The following ANO3 variants were observed in gnomAD, a reference collection of about 807,000 sequenced individuals.
The protein encoded by ANO3 is anoctamin-3.
ANO3 carries 99 observed loss-of-function variants against 144.8 expected under a neutral mutation model. The observed-to-expected ratio is 0.68, with a 90% confidence interval of 0.58 to 0.81. ANO3 has a LOEUF of 0.81. Ranked by LOEUF, ANO3 falls within the 30% of genes least tolerant of loss-of-function variation. ANO3 has a pLI of 0.00. For missense variants in ANO3, 905 were observed against 1,202.2 expected, an observed-to-expected ratio of 0.75 and a Z score of 3.66; for synonymous variants, 414 against 392.6, an observed-to-expected ratio of 1.05 and a Z score of -0.64.
At chr11:26,495,914 T>A (rs932017348) in intron 4 of ANO3, among the ~76,000 whole-genome samples, 7 of 152,218 alleles carry the variant, frequency 4.6e-5, no homozygotes, top group African/African-American at 1.7e-4. Context: ...ATGTGAATTT[T>A]CCTAATTTCC....
intron 24 of ANO3, among the ~76,000 whole-genome samples, chr11:26,649,020 G>T (rs1255616615): frequency 6.6e-6 from 1 of 152,170 alleles, no homozygotes; most frequent in Non-Finnish European, 1.5e-5. Context: ...TGCATATCGT[G>T]GGGTCTTGTC....
chr11:26,192,383 T>A (rs960545535), intron 1 of ANO3, among the ~76,000 whole-genome samples: 1 of 152,172 alleles, frequency 6.6e-6, no homozygotes, highest in Non-Finnish European at 1.5e-5. Context: ...GTCTACCTTT[T>A]TAATCTCAGT....
chr11:26,391,294 G>A (rs1590321022), intron 1 of ANO3, among the ~76,000 whole-genome samples: 1 of 152,102 alleles, frequency 6.6e-6, no homozygotes, highest in Non-Finnish European at 1.5e-5. Flanking sequence ...CTCTCATGAT[G>A]ATTAACCTGT....
chr11:26,618,804 C>T (rs888679142), intron 17 of ANO3, among the ~76,000 whole-genome samples: 1 of 152,148 alleles, frequency 6.6e-6, no homozygotes, highest in African/African-American at 2.4e-5. Context: ...GTCTGGAATG[C>T]CATTCTTAAT....
intron 1 of ANO3, among the ~76,000 whole-genome samples, chr11:26,278,675 A>C (rs181628210): frequency 3.7e-4 from 57 of 152,248 alleles, no homozygotes; most frequent in African/African-American, 1.3e-3. Context: ...ACAGTGGATA[A>C]AACTTCAAAT....
rs138795510 is a variant in ANO3, at chr11:26,314,069, A to G, written c.-3+4350A>G. 8.7e-3 allele frequency among the ~76,000 whole-genome samples: 1,326 copies of G among 152,104 alleles called. 12 individuals are homozygous for G. The highest frequency in any genetic ancestry group is 0.011 in the Non-Finnish European group (779 of 67,994). On this transcript the variant is annotated intron_variant, in intron 1 of 26. Transcript: ENST00000525139. ...ACAGTGTTGTGGGCCCACAATGGAG[A>G]GAGAGTTTAATTTCAATGTGGCAAA...
intron 17 of ANO3, among the ~76,000 whole-genome samples, chr11:26,621,862 G>A (rs1030149904): frequency 2.0e-5 from 3 of 152,002 alleles, no homozygotes; most frequent in Non-Finnish European, 2.9e-5. Context: ...ATGTTATCAC[G>A]TGTGTGTATC....
intron 1 of ANO3, among the ~76,000 whole-genome samples, chr11:26,418,965 T>A (rs1306264995): frequency 6.6e-6 from 1 of 152,128 alleles, no homozygotes; most frequent in Non-Finnish European, 1.5e-5. Context: ...ATTAGTCTAT[T>A]CTCACACTGC....
intron 1 of ANO3, among the ~76,000 whole-genome samples, chr11:26,375,202 C>T (rs1460945190): frequency 6.6e-6 from 1 of 152,076 alleles, no homozygotes; most frequent in Non-Finnish European, 1.5e-5. Flanking sequence ...GTACACAATC[C>T]ACATCACTCA....
rs1858534740 is a variant in ANO3, at chr11:26,441,930, G to A, written c.59G>A (p.Ser20Asn). The change falls in exon 2 of 27, where the codon AGC becomes AAC. Residue 20 changes from serine to asparagine, a missense_variant. This residue lies in a region of ANO3 where 174 missense variants were observed against 171.9 expected (regional missense o/e 1.01). Coordinates refer to ENST00000256737, the MANE Select transcript of ANO3 (RefSeq NM_031418.4). ...SFKQQKGMNI[S>N]KSEITKETSL... The stretch of plus-strand genomic sequence containing the variant: ...TTTGGATTTGCAGGTATGAATATAA[G>A]CAAGAGTGAGATAACAAAAGAAACT... 2 of 1,613,294 alleles carry A rather than the reference G, an allele frequency of 1.2e-6. No individual in the cohort carries two copies. The highest frequency in any genetic ancestry group is 8.5e-7 in the Non-Finnish European group (1 of 1,179,714).
At chr11:26,425,019 T>A (rs1288928182) in intron 1 of ANO3, among the ~76,000 whole-genome samples, 1 of 151,978 alleles carries the variant, frequency 6.6e-6, no homozygotes, top group Admixed American at 6.6e-5. Flanking sequence ...GTATATCTCC[T>A]AATGCTATCC....
At chr11:26,505,598 A>C (rs1395059837) in intron 4 of ANO3, among the ~76,000 whole-genome samples, 2 of 152,190 alleles carry the variant, frequency 1.3e-5, no homozygotes, top group Admixed American at 6.5e-5. Flanking sequence ...GAAAATCCAG[A>C]CACATTAGAT....
chr11:26,250,509 A>G (rs556534679), intron 1 of ANO3, among the ~76,000 whole-genome samples: 1 of 152,338 alleles, frequency 6.6e-6, no homozygotes, highest in South Asian at 2.1e-4. Context: ...AGGCTTATGT[A>G]TGCTGTCAGT....
intron 5 of ANO3, among the ~76,000 whole-genome samples, chr11:26,512,556 T>C (rs1861707314): frequency 6.6e-6 from 1 of 152,158 alleles, no homozygotes; most frequent in African/African-American, 2.4e-5. Flanking sequence ...AAGAGAGAAA[T>C]TAAGTTGAGT....
chr11:26,516,654 A>C (rs1861876400), intron 5 of ANO3, among the ~76,000 whole-genome samples, 173 bp from the exon 6 acceptor site: 2 of 151,694 alleles, frequency 1.3e-5, no homozygotes, highest in African/African-American at 2.4e-5. Flanking sequence ...TTACATTTTT[A>C]TCAAGGTCTT....
intron 1 of ANO3, among the ~76,000 whole-genome samples, chr11:26,291,648 T>G (rs1853961212): frequency 6.6e-6 from 1 of 152,198 alleles, no homozygotes; most frequent in South Asian, 2.1e-4. Flanking sequence ...TAAAGGATTT[T>G]ATTTCTCCTT....
At chr11:26,540,867 C>T (rs533007051) in intron 10 of ANO3, among the ~76,000 whole-genome samples, 2 of 152,212 alleles carry the variant, frequency 1.3e-5, no homozygotes, top group African/African-American at 4.8e-5. Flanking sequence ...ATTAGTTCAA[C>T]CATTGTGGAA....
intron 19 of ANO3, 97 bp downstream of exon 19, chr11:26,634,412 C>A: frequency 1.4e-6 from 1 of 735,184 alleles, no homozygotes; most frequent in Non-Finnish European, 2.2e-6. Context: ...TTTCTGACAG[C>A]CACCAGCAGC....
chr11:26,431,547 C>A (rs931314202), intron 1 of ANO3, among the ~76,000 whole-genome samples: 1 of 152,154 alleles, frequency 6.6e-6, no homozygotes, highest in South Asian at 2.1e-4. Flanking sequence ...TTGTTTGTCT[C>A]CCTCCTGCCA....
Sources: allele counts gnomAD v4.1 joint callset (sites outside exome capture counted in the v4.1 genomes callset), GRCh38; gene constraint gnomAD v4.1.1; regional missense constraint gnomAD v4.1.1; transcripts MANE v1.5; gene names NCBI Gene and HGNC (gene_info 2026-07-23, HGNC 2026-07-21).